The following C3orf20 variants were observed in gnomAD, a reference collection of about 807,000 sequenced individuals.
The protein encoded by C3orf20 is uncharacterized protein C3orf20.
C3orf20 carries 76 observed loss-of-function variants against 88.3 expected under a neutral mutation model. The observed-to-expected ratio is 0.86, with a 90% CI of 0.72 to 1.04. The LOEUF is 1.04. Ranked by LOEUF, C3orf20 falls within the 50% of genes least tolerant of loss-of-function variation. The probability of loss-of-function intolerance (pLI) is 0.00; values close to 1 mark genes in which losing one functional copy is unlikely to be tolerated. For synonymous variants in C3orf20, 436 were observed against 437.4 expected (o/e 1.00, Z 0.04); for missense variants, 1,056 against 1,123.3 (o/e 0.94, Z 0.86).
At position 14,757,414 on chromosome 3, in the gene C3orf20, T is replaced by C. The variant is rs778102775; in HGVS notation, c.1984T>C (p.Leu662=). 22 of 1,611,992 alleles carry C rather than the reference T, an allele frequency of 1.4e-5. No individual in the cohort carries two copies. In the East Asian group the frequency reaches 4.7e-4, roughly 34 times the overall value. Residue 662 remains leucine (L), a synonymous_variant, in exon 13 of 17, where the codon TTG becomes CTG. Transcript: ENST00000253697. ...EGRSPTRWAA[L]PSDCPLVLRK... ...GCGCAGCCCCACCAGGTGGGCGGCC[T>C]TGCCCTCAGACTGCCCGCTGGTGCT...
chr3:14,772,035 G>A lies in C3orf20; in HGVS notation c.2496-32G>A. On this transcript the variant is annotated intron_variant, in intron 15 of 16. Transcript: ENST00000253697. The surrounding 1 kb of genome is among the most constrained non-coding windows in gnomAD (Gnocchi z 4.2). ...CAGCGTGCAGTGCACCCTGGGCCCT[G>A]AGCACTGCCCCCGACCCTGCCTCCC... 3.1e-6 allele frequency: 5 copies of A among 1,613,756 alleles called. No homozygotes were observed. Among genetic ancestry groups the A allele is most frequent in the Non-Finnish European group, 4.2e-6 (5 of 1,179,822 alleles).
intron 12 of C3orf20, among the ~76,000 whole-genome samples, chr3:14,733,043 A>G (rs1369394725): frequency 6.6e-6 from 1 of 152,096 alleles, no homozygotes; most frequent in Non-Finnish European, 1.5e-5. Context: ...TTTGATTTCA[A>G]ATGTTGAACC....
At chr3:14,681,616 G>A (rs1027368364) in intron 1 of C3orf20, among the ~76,000 whole-genome samples, 3 of 152,130 alleles carry the variant, frequency 2.0e-5, no homozygotes, top group Non-Finnish European at 4.4e-5. Context: ...AGTCTTTCAC[G>A]GAGGCTCACA....
chr3:14,683,875 C>CAAAA lies in C3orf20; in HGVS notation c.485-350_485-347dup, dbSNP rs966127219. Among the ~76,000 whole-genome samples the CAAAA allele has an allele frequency of 4.3e-3, 356 of 83,164 alleles. 6 individuals carry two copies. Among genetic ancestry groups the CAAAA allele is most frequent in the African/African-American group, 0.016 (340 of 21,386 alleles). The allele number at this position is 83,164 out of a possible 152,430, so 54.6% of individuals were successfully genotyped here. A position where few individuals can be genotyped will look rare whatever the true frequency, so the allele number is the denominator to read the frequency against. ...TGGGTGATAGAGCGAGACTCCATCT[C>CAAAA]AAAAAAAAAAAAAAAAAAAAGAACC... On this transcript the variant is annotated intron_variant, in intron 3 of 16. Transcript: ENST00000253697.
chr3:14,740,494 G>A (rs1360943610), intron 12 of C3orf20, among the ~76,000 whole-genome samples: 3 of 152,096 alleles, frequency 2.0e-5, no homozygotes, highest in Non-Finnish European at 4.4e-5. Flanking sequence ...AAATATTGCA[G>A]GAATTACCAA....
At chr3:14,759,723 G>A (rs1438961547) in intron 13 of C3orf20, among the ~76,000 whole-genome samples, 168 bp from the exon 14 acceptor site, 5 of 152,184 alleles carry the variant, frequency 3.3e-5, no homozygotes, top group Admixed American at 1.3e-4. Context: ...GACAGTCATG[G>A]GAGGTGTGCA....
intron 12 of C3orf20, among the ~76,000 whole-genome samples, chr3:14,746,466 G>A (rs1477368379): frequency 1.3e-5 from 2 of 152,096 alleles, no homozygotes; most frequent in East Asian, 3.8e-4. Flanking sequence ...TTTTCCCTGT[G>A]GTCTTGACTG....
chr3:14,708,119 G>GC (rs2033598334), intron 7 of C3orf20, among the ~76,000 whole-genome samples: 1 of 151,738 alleles, frequency 6.6e-6, no homozygotes, highest in Non-Finnish European at 1.5e-5. Flanking sequence ...ACCGTGCCCG[G>GC]CCCCCTGTGT....
chr3:14,744,007 T>G (rs1237054995), intron 12 of C3orf20, among the ~76,000 whole-genome samples: 1 of 152,080 alleles, frequency 6.6e-6, no homozygotes, highest in Non-Finnish European at 1.5e-5. Flanking sequence ...TCTTGGAAAT[T>G]AACATTAGGC....
At chr3:14,744,900 G>A (rs527722419) in intron 12 of C3orf20, among the ~76,000 whole-genome samples, 1 of 152,150 alleles carries the variant, frequency 6.6e-6, no homozygotes, top group African/African-American at 2.4e-5. Context: ...ATTTCAGTGG[G>A]GACACAGCCA....
chr3:14,682,602 A>T lies in C3orf20; in HGVS notation c.-112A>T. The stretch of plus-strand genomic sequence containing the variant: ...GGAACCACTGGCTCAATGACCTGTA[A>T]GGGCCGTTTCAGCACATCCATTCTG... On this transcript the variant is annotated 5_prime_UTR_variant, in exon 3 of 17. In the 5' UTR this introduces an upstream ATG that the reference lacks. Transcript: ENST00000253697. The T allele has an allele frequency of 7.3e-7, 1 of 1,376,566 alleles. No individual in the cohort carries two copies. Among genetic ancestry groups the T allele is most frequent in the South Asian group, 1.4e-5 (1 of 71,518 alleles). The allele number at this position is 1,376,566 out of a possible 1,614,324, so 85.3% of individuals were successfully genotyped here.
intron 1 of C3orf20, among the ~76,000 whole-genome samples, chr3:14,676,221 A>C (rs2031763857): frequency 6.7e-6 from 1 of 148,246 alleles, no homozygotes; most frequent in Non-Finnish European, 1.5e-5. Flanking sequence ...ACGGTTTTTG[A>C]AAATCAAAAA....
Position 14,684,236 on chromosome 3 carries a change from CTT to C in C3orf20, c.485-4_485-3del. On this transcript the variant is annotated splice_region_variant and splice_polypyrimidine_tract_variant and intron_variant, in intron 3 of 16. Transcript: ENST00000253697. ...GGACACGTGTTGCTTTCTATCATTG[CTT>C]TAGTGGGTGCCAACCCCTTGGACAT... 1 of 1,613,764 alleles carries C rather than the reference CTT, an allele frequency of 6.2e-7. No individual in the cohort carries two copies. The highest frequency in any genetic ancestry group is 8.5e-7 in the Non-Finnish European group (1 of 1,179,874).
In C3orf20 at chr3:14,768,734, C is replaced by T. The variant is rs1329105684; in HGVS notation, c.2496-3333C>T. Among the ~76,000 whole-genome samples the T allele has an allele frequency of 2.6e-5, 4 of 151,990 alleles. No homozygotes were observed. Among genetic ancestry groups the T allele is most frequent in the Non-Finnish European group, 5.9e-5 (4 of 68,022 alleles). On this transcript the variant is annotated intron_variant, in intron 15 of 16. Coordinates refer to ENST00000253697, the MANE Select transcript of C3orf20 (RefSeq NM_032137.5). This position sits in a 1 kb window ranked among gnomAD's most constrained non-coding sequence, Gnocchi z 4.1. ...AGGGGCTCAGAAATAGTGGGCTAGCCGCAATACCATGGGGAGGTGGGCTCC... is the reference window on the plus strand; with the variant it reads ...AGGGGCTCAGAAATAGTGGGCTAGCTGCAATACCATGGGGAGGTGGGCTCC...
At position 14,684,403 on chromosome 3, in the gene C3orf20, C is replaced by G. The variant is rs555164857; in HGVS notation, c.625+21C>G. The G allele has an allele frequency of 3.7e-6, 6 of 1,611,244 alleles. No individual in the cohort carries two copies. In the Admixed American group the frequency reaches 1.0e-4, roughly 27 times the overall value. On this transcript the variant is annotated intron_variant, in intron 4 of 16. Transcript: ENST00000253697. ...GAAAGGTGGGTACCTGAGCTTCAAC[C>G]CTTAGGTAAGAAGTGCAAACAATAT...
At chr3:14,710,296 A>G (rs1194324408) in intron 7 of C3orf20, among the ~76,000 whole-genome samples, 1 of 151,880 alleles carries the variant, frequency 6.6e-6, no homozygotes, top group African/African-American at 2.4e-5. Flanking sequence ...TTTATCAAAG[A>G]TGCAACTTTT....
intron 13 of C3orf20, 73 bp downstream of exon 13, chr3:14,757,747 A>C: frequency 7.0e-7 from 1 of 1,420,588 alleles, no homozygotes; most frequent in Non-Finnish European, 9.5e-7. Flanking sequence ...GAAAACCCCC[A>C]CAGTGCTAGG....
intron 5 of C3orf20, among the ~76,000 whole-genome samples, chr3:14,699,975 C>T (rs1366385063): frequency 1.3e-5 from 2 of 152,216 alleles, no homozygotes; most frequent in African/African-American, 4.8e-5. Context: ...CTAAATGCTC[C>T]CTCCATGAGT....
rs2032276615 is a variant in C3orf20, at chr3:14,684,261, C to T, written c.504C>T (p.Asp168=). 1 of 1,614,148 alleles carries T rather than the reference C, an allele frequency of 6.2e-7. No homozygotes were observed. Among genetic ancestry groups the T allele is most frequent in the Non-Finnish European group, 8.5e-7 (1 of 1,180,020 alleles). The stretch of plus-strand genomic sequence containing the variant: ...CTTTAGTGGGTGCCAACCCCTTGGA[C>T]ATCACCAGGCGCTTTGTGGAGGCCA... ...ESMSVGANPL[D]ITRRFVEASQ... Residue 168 remains aspartate (D), a synonymous_variant, in exon 4 of 17, where the codon GAC becomes GAT. Coordinates refer to ENST00000253697, the MANE Select transcript of C3orf20 (RefSeq NM_032137.5).
Sources: gnomAD v4.1 joint callset for allele counts (sites outside exome capture counted in the v4.1 genomes callset) on GRCh38, gnomAD v4.1.1 for gene constraint, Gnocchi (gnomAD v3.1) non-coding constraint, MANE v1.5 for transcripts, NCBI Gene and HGNC (gene_info 2026-07-23, HGNC 2026-07-21) for gene names.